Variants in TRPM3 observed in about 807,000 individuals in gnomAD.
The protein encoded by TRPM3 is transient receptor potential cation channel subfamily M member 3, also known as long transient receptor potential channel 3.
A neutral mutation model predicts 181.2 loss-of-function variants in TRPM3; 77 were observed. The observed-to-expected ratio is 0.42, with a 90% confidence interval of 0.35 to 0.51. The LOEUF is 0.51. Among genes scored for constraint, TRPM3 ranks in the 20% least tolerant of loss-of-function variants. The pLI, the probability that TRPM3 is intolerant of heterozygous loss-of-function variation, is 0.01. For missense variants in TRPM3, 1,759 were observed against 2,196.7 expected, an observed-to-expected ratio of 0.80 and a Z score of 3.98; for synonymous variants, 745 against 796.4, an observed-to-expected ratio of 0.94 and a Z score of 1.09.
chr9:71,169,553 TTC>T (rs1163366384), intron 1 of TRPM3, among the ~76,000 whole-genome samples: 1 of 152,210 alleles, frequency 6.6e-6, no homozygotes, highest in Admixed American at 6.5e-5. Context: ...TAATTAGTTG[TTC>T]TGTTTCATTT....
intron 1 of TRPM3, among the ~76,000 whole-genome samples, chr9:71,108,043 TC>T (rs2070128869): frequency 1.3e-5 from 2 of 152,156 alleles, no homozygotes; most frequent in African/African-American, 4.8e-5. Context: ...TCTGAACACA[TC>T]CTGCCATCTT....
chr9:71,245,856 T>C (rs1401297779), intron 1 of TRPM3, among the ~76,000 whole-genome samples: 4 of 152,054 alleles, frequency 2.6e-5, no homozygotes, highest in African/African-American at 4.8e-5. Context: ...GTGGCTAACA[T>C]TGGAAAACAG....
chr9:71,102,449 G>A (rs1315887463), intron 1 of TRPM3, among the ~76,000 whole-genome samples: 2 of 152,176 alleles, frequency 1.3e-5, no homozygotes, highest in Non-Finnish European at 2.9e-5. Context: ...AGTCCTTCCT[G>A]TTTCTGGTCC....
chr9:71,357,067 T>G (rs142335956), intron 1 of TRPM3, among the ~76,000 whole-genome samples: 3 of 152,256 alleles, frequency 2.0e-5, no homozygotes, highest in Non-Finnish European at 4.4e-5. Flanking sequence ...CAGCAGAGTA[T>G]GTATAAACAG....
chr9:70,890,404 T>C (rs2096179754), intron 1 of TRPM3, among the ~76,000 whole-genome samples: 1 of 151,704 alleles, frequency 6.6e-6, no homozygotes, highest in African/African-American at 2.4e-5. Context: ...AAAGAGAAAA[T>C]TATCAAAAAA....
In TRPM3 at chr9:71,194,541, T is replaced by A. The variant is rs369254844; in HGVS notation, c.183+252112A>T. Among the ~76,000 whole-genome samples the A allele has an allele frequency of 2.6e-5, 4 of 151,748 alleles. No homozygotes were observed. The South Asian group carries it at 8.3e-4, about 31-fold the overall frequency. ...CTTGGGCATCGTAAAAAGATGACAG[T>A]AAAACTAGAAGATGGAAAGACACTG... On this transcript the variant is annotated intron_variant, in intron 1 of 24. Transcript: ENST00000357533.
At chr9:71,416,246 T>C (rs1472726571) in intron 1 of TRPM3, among the ~76,000 whole-genome samples, 1 of 151,898 alleles carries the variant, frequency 6.6e-6, no homozygotes, top group Non-Finnish European at 1.5e-5. Flanking sequence ...AGTTAATCAA[T>C]ACGTTAGTAT....
intron 1 of TRPM3, among the ~76,000 whole-genome samples, chr9:71,148,409 C>G (rs1587652442): frequency 6.6e-6 from 1 of 152,258 alleles, no homozygotes; most frequent in South Asian, 2.1e-4. Context: ...TTTGCTACAA[C>G]AATACTTGCA....
At chr9:71,412,585 A>C (rs2093571924) in intron 1 of TRPM3, among the ~76,000 whole-genome samples, 1 of 152,212 alleles carries the variant, frequency 6.6e-6, no homozygotes, top group Non-Finnish European at 1.5e-5. Context: ...AATCATTAAA[A>C]AGTCAGGAAA....
chr9:70,755,325 C>T (rs1310372866), intron 8 of TRPM3, among the ~76,000 whole-genome samples: 1 of 151,068 alleles, frequency 6.6e-6, no homozygotes, highest in Non-Finnish European at 1.5e-5. Flanking sequence ...GATCTCTCCG[C>T]AGAAACCCTA....
rs143476320 is a variant in TRPM3 at position 70,536,160 on chromosome 9, C to A, written c.4953G>T (p.Ser1651=). 1.2e-6 allele frequency: 2 copies of A among 1,614,168 alleles called. No individual in the cohort carries two copies. Among genetic ancestry groups the A allele is most frequent in the Non-Finnish European group, 1.7e-6 (2 of 1,180,022 alleles). ...CATATGGCGCACTTGGCTCCTCTGCCGAGTAGCTGTTGGCGCGCTCTATCT... is the reference window on the plus strand; with the variant it reads ...CATATGGCGCACTTGGCTCCTCTGCAGAGTAGCTGTTGGCGCGCTCTATCT... ...VPKIERANSY[S]AEEPSAPYAH... is the part of the protein sequence containing the mutation. Residue 1651 remains serine (S), a synonymous_variant, in exon 26 of 26, where the codon TCG becomes TCT. Transcript: ENST00000677713.
chr9:71,187,039 T>A (rs1565317605), intron 1 of TRPM3, among the ~76,000 whole-genome samples: 1 of 152,038 alleles, frequency 6.6e-6, no homozygotes, highest in Non-Finnish European at 1.5e-5. Flanking sequence ...CTTTTGAAAA[T>A]AAGTCTGATG....
chr9:71,233,527 A>G (rs2081191449), intron 1 of TRPM3, among the ~76,000 whole-genome samples: 1 of 152,234 alleles, frequency 6.6e-6, no homozygotes, highest in East Asian at 1.9e-4. Flanking sequence ...CATCTGCACC[A>G]TAAAAACAAA....
intron 1 of TRPM3, among the ~76,000 whole-genome samples, chr9:71,304,558 T>C (rs1232772559): frequency 1.3e-5 from 2 of 152,280 alleles, no homozygotes; most frequent in African/African-American, 2.4e-5. Context: ...TTAAGTCAAG[T>C]TCCGTTTTAA....
intron 7 of TRPM3, among the ~76,000 whole-genome samples, chr9:70,763,061 C>T (rs1316899902): frequency 6.6e-6 from 1 of 152,168 alleles, no homozygotes; most frequent in Non-Finnish European, 1.5e-5. Context: ...TTCATCTGAA[C>T]TCACTAGGTT....
At chr9:70,794,658 C>A (rs775202168) in intron 6 of TRPM3, among the ~76,000 whole-genome samples, 1 of 152,148 alleles carries the variant, frequency 6.6e-6, no homozygotes, top group Non-Finnish European at 1.5e-5. Flanking sequence ...TTTCTAGGTC[C>A]ATGATTGTCT....
rs779469617 is a variant in TRPM3, at chr9:70,784,190, G to A, written c.1063C>T (p.Pro355Ser). The A allele has an allele frequency of 6.2e-7, 1 of 1,613,632 alleles. No individual in the cohort carries two copies. The highest frequency in any genetic ancestry group is 1.3e-5 in the African/African-American group (1 of 74,856). The change falls in exon 7 of 26, where the codon CCT becomes TCT. Residue 355 changes from proline to serine, a missense_variant. Around this residue, in one of 8 missense-constraint regions of TRPM3, gnomAD observed 737 missense variants for 957.4 expected, o/e 0.77. Transcript: ENST00000677713. ...SIVLEYLRDT[P>S]PVPVVVCDGS... Reference sequence around the variant, plus strand: ...TCACAGACAACCACTGGCACGGGAGGGGTGTCTCGAAGGTACTCCAAAACA... The same window carrying A: ...TCACAGACAACCACTGGCACGGGAGAGGTGTCTCGAAGGTACTCCAAAACA...
At chr9:70,754,216 C>T (rs1341347900) in intron 8 of TRPM3, among the ~76,000 whole-genome samples, 1 of 152,152 alleles carries the variant, frequency 6.6e-6, no homozygotes, top group Admixed American at 6.5e-5. Flanking sequence ...TAATCAGCCT[C>T]ACTGTGTGCA....
chr9:70,969,948 G>A (rs2097224554), intron 1 of TRPM3, among the ~76,000 whole-genome samples: 2 of 151,758 alleles, frequency 1.3e-5, no homozygotes, highest in Non-Finnish European at 1.5e-5. Flanking sequence ...AGGTCTATAG[G>A]TCTCGACACT....
Sources: gnomAD v4.1 joint callset for allele counts (sites outside exome capture counted in the v4.1 genomes callset) on GRCh38, gnomAD v4.1.1 for gene constraint, gnomAD v4.1.1 regional missense constraint, MANE v1.5 for transcripts, NCBI Gene and HGNC (gene_info 2026-07-23, HGNC 2026-07-21) for gene names.